Variants in TP73 observed in about 807,000 individuals in gnomAD.
TP73 encodes the protein tumor protein p73, also known as p53-like transcription factor.
In TP73, 25 loss-of-function variants were observed where a neutral mutation model predicts 62.5. The observed-to-expected ratio is 0.40, with a 90% confidence interval of 0.29 to 0.56. The LOEUF is 0.56. Among genes scored for constraint, TP73 ranks in the 20% least tolerant of loss-of-function variants. The pLI is 0.46. For missense variants in TP73, 754 were observed against 913.3 expected, an observed-to-expected ratio of 0.83 and a Z score of 2.25; for synonymous variants, 423 against 377.5, an observed-to-expected ratio of 1.12 and a Z score of -1.40.
chr1:3,732,452 G>A (rs1642205077), intron 13 of TP73, among the ~76,000 whole-genome samples: 1 of 152,194 alleles, frequency 6.6e-6, no homozygotes, highest in Non-Finnish European at 1.5e-5. Flanking sequence ...CCACTCCAGG[G>A]GGCAGGGACA....
intron 3 of TP73, among the ~76,000 whole-genome samples, chr1:3,694,875 C>CT (rs2124285957): frequency 6.9e-6 from 1 of 144,972 alleles, no homozygotes. Context: ...GCCTCAGCCC[C>CT]TCCTCCTGCA....
intron 3 of TP73, among the ~76,000 whole-genome samples, chr1:3,684,068 G>T (rs1293852635): frequency 6.6e-6 from 1 of 152,230 alleles, no homozygotes; most frequent in Non-Finnish European, 1.5e-5. Context: ...CTCTCTGGCT[G>T]CCCATAGCCA....
intron 1 of TP73, among the ~76,000 whole-genome samples, chr1:3,667,488 C>T (rs527270378): frequency 1.5e-4 from 23 of 152,324 alleles, no homozygotes; most frequent in African/African-American, 5.3e-4. Context: ...CGGTGGCTCA[C>T]GCTTGCAATC....
chr1:3,696,196 G>A lies in TP73; in HGVS notation c.187-11353G>A, dbSNP rs1417262535. Among the ~76,000 whole-genome samples, 1 of 152,158 alleles carries A rather than the reference G, an allele frequency of 6.6e-6. No homozygotes were observed. Among genetic ancestry groups the A allele is most frequent in the African/African-American group, 2.4e-5 (1 of 41,410 alleles). On this transcript the variant is annotated intron_variant, in intron 3 of 13. Coordinates refer to ENST00000378295, the MANE Select transcript of TP73 (RefSeq NM_005427.4). This position sits in a 1 kb window ranked among gnomAD's most constrained non-coding sequence, Gnocchi z 4.1. ...TGTGCATCAGAGGAGGTGGTGGGTGGTGGTCAGGCTTAGGGTGGAGTTTGA... is the reference window on the plus strand; with the variant it reads ...TGTGCATCAGAGGAGGTGGTGGGTGATGGTCAGGCTTAGGGTGGAGTTTGA...
At chr1:3,664,671 A>G (rs1645071918) in intron 1 of TP73, among the ~76,000 whole-genome samples, 1 of 152,088 alleles carries the variant, frequency 6.6e-6, no homozygotes, top group East Asian at 1.9e-4. Flanking sequence ...GTTGTAGGGG[A>G]CGGGGAGCAG....
intron 1 of TP73, among the ~76,000 whole-genome samples, chr1:3,676,034 C>A (rs76170056): frequency 0.098 from 14,818 of 151,366 alleles, 840 homozygotes; most frequent in Middle Eastern, 0.17. Context: ...AGCACATAGC[C>A]AGGCATGTGG....
chr1:3,691,092 C>T (rs1018537571), intron 3 of TP73: 10 of 1,206,442 alleles, frequency 8.3e-6, no homozygotes, highest in Admixed American at 4.1e-5. Flanking sequence ...GGAAGGGAGG[C>T]GTTGAGGGGC....
intron 3 of TP73, chr1:3,690,643 T>C: frequency 7.3e-7 from 1 of 1,379,278 alleles, no homozygotes; most frequent in South Asian, 1.5e-5. Flanking sequence ...TCATGAGGAA[T>C]AAAGGGGTGG....
rs35410496 is a variant in TP73, at chr1:3,701,671, A to AT, written c.187-5869dup. ...AGGTGCCCACCACCACGCCCAGCTA[A>AT]TTTTTTTTTGTAGTTTTAGTAGAGA... is the stretch of plus-strand genomic sequence containing the variant. On this transcript the variant is annotated intron_variant, in intron 3 of 13. Transcript: ENST00000378295. The surrounding 1 kb of genome is among the most constrained non-coding windows in gnomAD (Gnocchi z 4.7). 0.11 allele frequency among the ~76,000 whole-genome samples: 16,395 copies of AT among 151,198 alleles called. 1,100 individuals carry two copies. Among genetic ancestry groups the AT allele is most frequent in the African/African-American group, 0.18 (7,360 of 41,202 alleles).
In TP73 at chr1:3,699,597, C is replaced by T. The variant is rs1638981094; in HGVS notation, c.187-7952C>T. Among the ~76,000 whole-genome samples the T allele has an allele frequency of 6.6e-6, 1 of 152,222 alleles. No individual in the cohort carries two copies. The highest frequency in any genetic ancestry group is 2.4e-5 in the African/African-American group (1 of 41,454). The stretch of plus-strand genomic sequence containing the variant: ...TCTGGAAACGTCTGTCACGGGCACA[C>T]CATGCACCATGCCATGGCTGCCAGT... On this transcript the variant is annotated intron_variant, in intron 3 of 13. Transcript: ENST00000378295. The surrounding 1 kb of genome is among the most constrained non-coding windows in gnomAD (Gnocchi z 4.1).
At chr1:3,731,673 C>G in intron 13 of TP73, 117 bp downstream of exon 13, 1 of 910,468 alleles carries the variant, frequency 1.1e-6, no homozygotes, top group Non-Finnish European at 1.7e-6. Flanking sequence ...AACCCTTTCC[C>G]ACGGGCAAGC....
At chr1:3,709,345 G>A (rs1422797198) in intron 4 of TP73, among the ~76,000 whole-genome samples, 1 of 152,190 alleles carries the variant, frequency 6.6e-6, no homozygotes, top group Admixed American at 6.5e-5. Flanking sequence ...AGGCAATGCC[G>A]ACCCCAGTGC....
rs567895860 is a variant in TP73, at chr1:3,659,412, G to A, written c.-34+6771G>A. On this transcript the variant is annotated intron_variant, in intron 1 of 13. Transcript: ENST00000378295. Reference sequence around the variant, plus strand: ...CCAGCCTCAGTTTGCAGGATTTCTGGGCAAAGGGCAGTTTTGTTCTTCGTG... The same window carrying A: ...CCAGCCTCAGTTTGCAGGATTTCTGAGCAAAGGGCAGTTTTGTTCTTCGTG... The A allele has an allele frequency of 4.6e-5, 7 of 152,174 alleles. No individual in the cohort carries two copies. The South Asian group carries it at 1.5e-3, about 32-fold the overall frequency. The allele number at this position is 152,174 out of a possible 1,614,324, so 9.4% of individuals were successfully genotyped here.
Position 3,670,525 on chromosome 1 carries a change from G to T in TP73, c.-33-11808G>T, listed in dbSNP as rs927807885. On this transcript the variant is annotated intron_variant, in intron 1 of 13. Transcript: ENST00000378295. This position sits in a 1 kb window ranked among gnomAD's most constrained non-coding sequence, Gnocchi z 5.9. ...CTAAAAATACAAAAATTAGCTGGGCGTGGTGGCGCACACAGCTGTAATCCC... is the reference window on the plus strand; with the variant it reads ...CTAAAAATACAAAAATTAGCTGGGCTTGGTGGCGCACACAGCTGTAATCCC... Among the ~76,000 whole-genome samples the T allele has an allele frequency of 1.3e-5, 2 of 152,114 alleles. No homozygotes were observed. The highest frequency in any genetic ancestry group is 2.9e-5 in the Non-Finnish European group (2 of 68,018).
At chr1:3,708,790 G>C (rs993223131) in intron 4 of TP73, among the ~76,000 whole-genome samples, 3 of 152,148 alleles carry the variant, frequency 2.0e-5, no homozygotes, top group African/African-American at 7.2e-5. Context: ...AGTGAGCCCT[G>C]CCTGGGCACC....
At chr1:3,668,133 T>C (rs1202281907) in intron 1 of TP73, among the ~76,000 whole-genome samples, 1 of 152,192 alleles carries the variant, frequency 6.6e-6, no homozygotes, top group Non-Finnish European at 1.5e-5. Flanking sequence ...TCCCCTCACT[T>C]TCCTATGAAC....
Position 3,700,096 on chromosome 1 carries a change from A to G in TP73, c.187-7453A>G, listed in dbSNP as rs1639029515. Reference sequence around the variant, plus strand: ...GGAGCTCCGTCTTTCGAGCCTCTGCACTTGTGGAGACAAAGGTTTCCGAAT... The same window carrying G: ...GGAGCTCCGTCTTTCGAGCCTCTGCGCTTGTGGAGACAAAGGTTTCCGAAT... On this transcript the variant is annotated intron_variant, in intron 3 of 13. Coordinates refer to ENST00000378295, the MANE Select transcript of TP73 (RefSeq NM_005427.4). 3.9e-5 allele frequency among the ~76,000 whole-genome samples: 6 copies of G among 152,092 alleles called. No homozygotes were observed. In the South Asian group the frequency reaches 1.2e-3, roughly 32 times the overall value.
chr1:3,688,225 C>T (rs975224991), intron 3 of TP73, among the ~76,000 whole-genome samples: 5 of 152,140 alleles, frequency 3.3e-5, no homozygotes, highest in East Asian at 1.9e-4. Flanking sequence ...CTTTGGTGGG[C>T]TTTCGTGACA....
chr1:3,661,838 T>C (rs979964589), intron 1 of TP73, among the ~76,000 whole-genome samples: 7 of 147,546 alleles, frequency 4.7e-5, no homozygotes, highest in Admixed American at 6.9e-5. Flanking sequence ...ACGCTATATA[T>C]ATAATATATG....
Sources: gnomAD v4.1 joint callset for allele counts (sites outside exome capture counted in the v4.1 genomes callset) on GRCh38, gnomAD v4.1.1 for gene constraint, Gnocchi (gnomAD v3.1) non-coding constraint, MANE v1.5 for transcripts, NCBI Gene and HGNC (gene_info 2026-07-23, HGNC 2026-07-21) for gene names.